The following ZNF573 variants were observed in gnomAD, a reference collection of about 807,000 sequenced individuals.
The protein encoded by ZNF573 is zinc finger protein 573.
Under a neutral mutation model 57.4 loss-of-function variants are expected in ZNF573, and 41 were observed. The observed-to-expected ratio is 0.71, with a 90% CI of 0.56 to 0.93. The LOEUF (loss-of-function observed/expected upper bound fraction) is 0.93. ZNF573 is among the 40% of genes least tolerant of loss of function. The pLI is 0.00. For missense variants in ZNF573, 730 were observed against 794.8 expected, an observed-to-expected ratio of 0.92 and a Z score of 0.98; for synonymous variants, 249 against 261.0, an observed-to-expected ratio of 0.95 and a Z score of 0.44.
chr19:37,743,502 AGG>A (rs1207156314), intron 4 of ZNF573, among the ~76,000 whole-genome samples: 1 of 152,154 alleles, frequency 6.6e-6, no homozygotes, highest in Non-Finnish European at 1.5e-5. Context: ...GATGCTGGTG[AGG>A]CTGTGGAGAA....
intron 4 of ZNF573, among the ~76,000 whole-genome samples, chr19:37,741,709 A>C (rs1017599538): frequency 1.3e-5 from 2 of 152,194 alleles, no homozygotes; most frequent in Non-Finnish European, 1.5e-5. Context: ...ACAAACCCAC[A>C]GCTGATATCA....
chr19:37,773,665 G>T lies in ZNF573; in HGVS notation c.65C>A (p.Thr22Asn). The T allele has an allele frequency of 6.5e-7, 1 of 1,534,900 alleles. No homozygotes were observed. Among genetic ancestry groups the T allele is most frequent in the Non-Finnish European group, 8.7e-7 (1 of 1,145,988 alleles). ...LIRSYNSKTM[T>N]CFQELVTFRD... is the part of the protein sequence containing the mutation. ...AAACAGAATTAATCAACTTACACAG[G>T]TCATGGTTTTAGAATTGTAAGACCT... Residue 22 changes from threonine to asparagine, a missense_variant, in exon 2 of 5, where the codon ACC (threonine) becomes AAC (asparagine). Physicochemically the swap from Thr to Asn is moderately conservative, Grantham distance 65. Transcript: ENST00000536220.
At chr19:37,752,952 C>G (rs2045452338) in intron 4 of ZNF573, among the ~76,000 whole-genome samples, 1 of 152,028 alleles carries the variant, frequency 6.6e-6, no homozygotes, top group Non-Finnish European at 1.5e-5. Flanking sequence ...TTTTTGTAAA[C>G]TTTTGTCTAA....
chr19:37,738,772 T>C lies in ZNF573; in HGVS notation c.1718A>G (p.Gln573Arg), dbSNP rs1204259192. Residue 573 changes from glutamine (Q) to arginine (R), a missense_variant, in exon 5 of 5, where the codon CAG becomes CGG. Transcript: ENST00000536220. ...GGGTTTTTTATCAGCATGAATGCTC[T>C]GATGTGCAGTAAGGTGTGAACTACG... ...FRRSSHLTAH[Q>R]SIHADKKPYE... 2 of 1,613,990 alleles carry C rather than the reference T, an allele frequency of 1.2e-6. No individual in the cohort carries two copies. Among genetic ancestry groups the C allele is most frequent in the Admixed American group, 3.3e-5 (2 of 59,996 alleles).
chr19:37,779,305 C>T (rs915664768), intron 1 of ZNF573, among the ~76,000 whole-genome samples: 2 of 152,168 alleles, frequency 1.3e-5, no homozygotes, highest in African/African-American at 2.4e-5. Flanking sequence ...AAACATTCCC[C>T]ATCTGACATA....
Position 37,768,200 on chromosome 19 carries a change from ATCTG to A in ZNF573, c.295+1801_295+1804del, listed in dbSNP as rs769646426. Among the ~76,000 whole-genome samples, 101 of 152,216 alleles carry A rather than the reference ATCTG, an allele frequency of 6.6e-4. 2 individuals carry two copies. Among genetic ancestry groups the A allele is most frequent in the Non-Finnish European group, 2.4e-4 (16 of 68,030 alleles). ...TCATGTGTTATATGTTGTTCTCTGAATCTGTCTAATGTTTTTAAAAATGCCTTGA... is the reference window on the plus strand; with the variant it reads ...TCATGTGTTATATGTTGTTCTCTGAATCTAATGTTTTTAAAAATGCCTTGA... On this transcript the variant is annotated intron_variant, in intron 4 of 4. Transcript: ENST00000536220.
chr19:37,758,500 T>C (rs2045518920), intron 4 of ZNF573: 1 of 150,198 alleles, frequency 6.7e-6, no homozygotes, highest in South Asian at 2.1e-4. Flanking sequence ...ACTTGGAGGC[T>C]GTGGCAGGAG....
chr19:37,739,455 A>C lies in ZNF573; in HGVS notation c.1035T>G (p.Phe345Leu). Reference protein sequence around the residue: ...CGKGYTTASYFLLHQRIHKGG... With the variant: ...CGKGYTTASYLLLHQRIHKGG... ...CTTTATGAATTCTCTGATGTAGAAG[A>C]AAGTATGAGGCAGTGGTATAGCCCT... The change falls in exon 5 of 5, where the codon TTT becomes TTG. Residue 345 changes from phenylalanine (F) to leucine (L), a missense_variant. Physicochemically the swap from Phe to Leu is conservative, Grantham distance 22 (BLOSUM62 0). Coordinates refer to ENST00000536220, the MANE Select transcript of ZNF573 (RefSeq NM_001172690.2). 1 of 1,614,132 alleles carries C rather than the reference A, an allele frequency of 6.2e-7. No individual in the cohort carries two copies. Among genetic ancestry groups the C allele is most frequent in the Admixed American group, 1.7e-5 (1 of 60,010 alleles).
intron 4 of ZNF573, among the ~76,000 whole-genome samples, chr19:37,761,293 G>A: frequency 6.6e-6 from 1 of 152,140 alleles, no homozygotes; most frequent in Non-Finnish European, 1.5e-5. Context: ...AGGAGAAATA[G>A]GATATCTGTA....
At chr19:37,764,861 C>T (rs34206817) in intron 4 of ZNF573, among the ~76,000 whole-genome samples, 12,534 of 150,964 alleles carry the variant, frequency 0.083, 833 homozygotes, top group African/African-American at 0.17. Context: ...CCTTGGCCTC[C>T]GAAAGTGCTC....
intron 4 of ZNF573, among the ~76,000 whole-genome samples, chr19:37,762,774 CTTT>C (rs771487185): frequency 3.6e-5 from 5 of 140,330 alleles, no homozygotes; most frequent in Non-Finnish European, 4.7e-5. Context: ...TGGAGCCAGT[CTTT>C]TTTTTTTTTT....
chr19:37,769,958 C>A, intron 4 of ZNF573, 47 bp downstream of exon 4: 1 of 1,478,112 alleles, frequency 6.8e-7, no homozygotes, highest in East Asian at 2.5e-5. Flanking sequence ...CTTTCTCTTA[C>A]CACATGGGCT....
intron 4 of ZNF573, among the ~76,000 whole-genome samples, chr19:37,741,587 T>G (rs2045327810): frequency 6.6e-6 from 1 of 152,186 alleles, no homozygotes. Context: ...AACCACATGA[T>G]TATCTCAATA....
At chr19:37,768,574 A>G (rs2045622563) in intron 4 of ZNF573, among the ~76,000 whole-genome samples, 1 of 152,210 alleles carries the variant, frequency 6.6e-6, no homozygotes, top group East Asian at 1.9e-4. Flanking sequence ...GTCCCCAGCC[A>G]TCTCATCCAA....
In ZNF573 at chr19:37,743,316, T is replaced by C. The variant is rs1358753715; in HGVS notation, c.296-3122A>G. Among the ~76,000 whole-genome samples, 4 of 65,196 alleles carry C rather than the reference T, an allele frequency of 6.1e-5. No individual in the cohort carries two copies. In the South Asian group the frequency reaches 1.5e-3, roughly 25 times the overall value. The allele number at this position is 65,196 out of a possible 152,430, so 42.8% of individuals were successfully genotyped here. A position where few individuals can be genotyped will look rare whatever the true frequency, so the allele number is the denominator to read the frequency against. On this transcript the variant is annotated intron_variant, in intron 4 of 4. Transcript: ENST00000536220. Reference sequence around the variant, plus strand: ...GCCTGGGTGACAGAGTGAGAATCCATCTCAAAAAAAAAAAAAAAAAAGAAG... The same window carrying C: ...GCCTGGGTGACAGAGTGAGAATCCACCTCAAAAAAAAAAAAAAAAAAGAAG...
At chr19:37,763,911 A>G (rs1268520941) in intron 4 of ZNF573, among the ~76,000 whole-genome samples, 1 of 151,974 alleles carries the variant, frequency 6.6e-6, no homozygotes, top group Non-Finnish European at 1.5e-5. Flanking sequence ...TAAAAATACA[A>G]AATTAGCCGG....
chr19:37,744,408 A>G (rs763442734), intron 4 of ZNF573, among the ~76,000 whole-genome samples: 6 of 151,164 alleles, frequency 4.0e-5, no homozygotes, highest in Non-Finnish European at 7.4e-5. Context: ...ACAGAAGGGG[A>G]AAAAAAAAGA....
Position 37,739,839 on chromosome 19 carries a change from G to A in ZNF573, c.651C>T (p.Thr217=). 6.2e-7 allele frequency: 1 copy of A among 1,613,868 alleles called. No individual in the cohort carries two copies. The part of the protein sequence containing the change: ...VHQRFHTGEK[T]YECRQCGKAF... ...CCTTCCCACACTGCCTACATTCATA[G>A]GTTTTCTCACCAGTATGAAATCTCT... is the stretch of plus-strand genomic sequence containing the variant. The change falls in exon 5 of 5, where the codon ACC becomes ACT. Residue 217 remains threonine (T), a synonymous_variant. Coordinates refer to ENST00000536220, the MANE Select transcript of ZNF573 (RefSeq NM_001172690.2).
intron 4 of ZNF573, among the ~76,000 whole-genome samples, chr19:37,754,677 A>G (rs1487697566): frequency 6.6e-6 from 1 of 151,592 alleles, no homozygotes. Flanking sequence ...AAAAAAAAAG[A>G]CTCTAAAATA....
Sources: allele counts gnomAD v4.1 joint callset (sites outside exome capture counted in the v4.1 genomes callset), GRCh38; gene constraint gnomAD v4.1.1; transcripts MANE v1.5; gene names NCBI Gene and HGNC (gene_info 2026-07-23, HGNC 2026-07-21).